The following ARIH1 variants were observed in gnomAD, a reference collection of about 807,000 sequenced individuals.
ARIH1 encodes the protein E3 ubiquitin-protein ligase ARIH1.
A neutral mutation model predicts 85.0 loss-of-function variants in ARIH1; 8 were observed. That is an observed-to-expected ratio of 0.09 (90% CI 0.06 to 0.17). The LOEUF is 0.17. Ranked by LOEUF, ARIH1 falls within the 10% of genes least tolerant of loss-of-function variation. The pLI, the probability that ARIH1 is intolerant of heterozygous loss-of-function variation, is 1.00. For synonymous variants in ARIH1, 238 were observed against 253.6 expected (o/e 0.94, Z 0.59); for missense variants, 311 against 718.1 (o/e 0.43, Z 6.48).
At chr15:72,488,434 C>T (rs192232458) in intron 1 of ARIH1, among the ~76,000 whole-genome samples, 1 of 152,228 alleles carries the variant, frequency 6.6e-6, no homozygotes, top group Non-Finnish European at 1.5e-5. Context: ...AGGCTGGCTG[C>T]GGTGGCTCAT....
intron 1 of ARIH1, among the ~76,000 whole-genome samples, chr15:72,492,974 C>G (rs1167407488): frequency 6.6e-6 from 1 of 152,138 alleles, no homozygotes; most frequent in Non-Finnish European, 1.5e-5. Flanking sequence ...GTCAAATTAA[C>G]AAGGTTGGAA....
At chr15:72,504,952 A>G (rs1223028481) in intron 1 of ARIH1, among the ~76,000 whole-genome samples, 2 of 152,220 alleles carry the variant, frequency 1.3e-5, no homozygotes, top group Non-Finnish European at 2.9e-5. Flanking sequence ...AAGGGAAGAA[A>G]AACTATACCT....
intron 1 of ARIH1, among the ~76,000 whole-genome samples, chr15:72,499,911 T>A (rs996963682): frequency 1.3e-5 from 2 of 152,124 alleles, no homozygotes; most frequent in Non-Finnish European, 2.9e-5. Context: ...CTCACAACAC[T>A]TTTTTCCCCC....
rs747609584 is a variant in ARIH1, at chr15:72,518,078, T to G, written c.387T>G (p.Thr129=). 6.2e-7 allele frequency: 1 copy of G among 1,610,064 alleles called. No individual in the cohort carries two copies. The highest frequency in any genetic ancestry group is 8.5e-7 in the Non-Finnish European group (1 of 1,177,270). Residue 129 remains threonine (T), a synonymous_variant, in exon 2 of 14, where the codon ACT becomes ACG. Coordinates refer to ENST00000379887, the MANE Select transcript of ARIH1 (RefSeq NM_005744.5). The part of the protein sequence containing the change: ...EVNEVIQNPA[T]ITRILLSHFN... ...CCCTCCTTCTTTAGAATCCAGCAAC[T>G]ATCACAAGAATACTCCTTAGCCACT...
rs570359899 is a variant in ARIH1, at chr15:72,558,702, A to G, written c.738-2781A>G. Reference sequence around the variant, plus strand: ...TGCTGCCACCTTCTTGAGAATGCCTATTCTTGAAGATGGATGCTCACTTTC... The same window carrying G: ...TGCTGCCACCTTCTTGAGAATGCCTGTTCTTGAAGATGGATGCTCACTTTC... On this transcript the variant is annotated intron_variant, in intron 5 of 13. Coordinates refer to ENST00000379887, the MANE Select transcript of ARIH1 (RefSeq NM_005744.5). 2.6e-5 allele frequency among the ~76,000 whole-genome samples: 4 copies of G among 152,328 alleles called. No homozygotes were observed. In the East Asian group the frequency reaches 5.8e-4, roughly 22 times the overall value.
intron 2 of ARIH1, among the ~76,000 whole-genome samples, chr15:72,531,125 A>G (rs1180849258): frequency 6.6e-6 from 1 of 152,210 alleles, no homozygotes; most frequent in African/African-American, 2.4e-5. Flanking sequence ...AATTATTGAC[A>G]CCTTACAGTC....
chr15:72,555,223 G>A, intron 3 of ARIH1, 48 bp from the exon 4 acceptor site: 3 of 1,426,582 alleles, frequency 2.1e-6, no homozygotes, highest in Middle Eastern at 1.8e-4. Context: ...TTTATAGTGA[G>A]TTTTCTGATA....
At chr15:72,574,471 C>T (rs1307561147) in intron 11 of ARIH1, among the ~76,000 whole-genome samples, 1 of 152,194 alleles carries the variant, frequency 6.6e-6, no homozygotes, top group African/African-American at 2.4e-5. Context: ...TGAAAAATTA[C>T]TAGAAGGTTG....
At chr15:72,505,105 C>CT in intron 1 of ARIH1, among the ~76,000 whole-genome samples, 2 of 152,298 alleles carry the variant, frequency 1.3e-5, no homozygotes, top group South Asian at 4.1e-4. Context: ...GCTCCTCAAA[C>CT]TTTAACATGC....
chr15:72,590,033 G>A lies in ARIH1; in HGVS notation c.*6741G>A, dbSNP rs1279286414. ...GAAAATAGAAGCTCAAATAAAATGG[G>A]TAGTTTCCTTGAGGTCATCCTGTTA... On this transcript the variant is annotated 3_prime_UTR_variant, in exon 14 of 14. Coordinates refer to ENST00000379887, the MANE Select transcript of ARIH1 (RefSeq NM_005744.5). 2 of 152,160 alleles carry A rather than the reference G, an allele frequency of 1.3e-5. No homozygotes were observed. The highest frequency in any genetic ancestry group is 2.4e-5 in the African/African-American group (1 of 41,430). 9.4% of individuals were successfully genotyped at this position (152,160 alleles called of 1,614,324 possible). A position where few individuals can be genotyped will look rare whatever the true frequency, so the allele number is the denominator to read the frequency against.
chr15:72,504,590 T>A lies in ARIH1; in HGVS notation c.376-13477T>A, dbSNP rs540666656. The stretch of plus-strand genomic sequence containing the variant: ...GGGACCTCTCTCCAGTCAAGCCGCT[T>A]CTCTCGTTCGTCTTTATCTGCACAG... On this transcript the variant is annotated intron_variant, in intron 1 of 13. Coordinates refer to ENST00000379887, the MANE Select transcript of ARIH1 (RefSeq NM_005744.5). Among the ~76,000 whole-genome samples, 440 of 152,192 alleles carry A rather than the reference T, an allele frequency of 2.9e-3. 2 individuals are homozygous for A. The highest frequency in any genetic ancestry group is 5.2e-3 in the Admixed American group (79 of 15,296).
chr15:72,538,859 T>C (rs982844909), intron 2 of ARIH1, among the ~76,000 whole-genome samples: 9 of 152,240 alleles, frequency 5.9e-5, no homozygotes, highest in African/African-American at 2.2e-4. Context: ...TTAAATCCAA[T>C]ATTTTTTAAA....
chr15:72,595,278 C>T lies in ARIH1; in HGVS notation c.*11986C>T, dbSNP rs556554486. On this transcript the variant is annotated 3_prime_UTR_variant, in exon 14 of 14. Coordinates refer to ENST00000379887, the MANE Select transcript of ARIH1 (RefSeq NM_005744.5). ...CACTGCAGCCTTGAGCTCCTGGACT[C>T]AAGCGACCCTCCTGCCTCAGCCTCC... The T allele has an allele frequency of 6.6e-6, 1 of 152,364 alleles. No individual in the cohort carries two copies. The allele number at this position is 152,364 out of a possible 1,614,324, so 9.4% of individuals were successfully genotyped here.
Position 72,602,222 on chromosome 15 carries a change from A to C in ARIH1, c.*18930A>C, listed in dbSNP as rs1337342146. On this transcript the variant is annotated 3_prime_UTR_variant, in exon 14 of 14. Transcript: ENST00000379887. ...AATAATTCAGTTAAAGATTATGTGC[A>C]TTTTTAATTTTGGTAGTTATTGCCA... 6.6e-6 allele frequency: 1 copy of C among 152,240 alleles called. No individual in the cohort carries two copies. Among genetic ancestry groups the C allele is most frequent in the Non-Finnish European group, 1.5e-5 (1 of 68,038 alleles). 9.4% of individuals were successfully genotyped at this position (152,240 alleles called of 1,614,324 possible). A position where few individuals can be genotyped will look rare whatever the true frequency, so the allele number is the denominator to read the frequency against.
In ARIH1 at chr15:72,588,984, CT is replaced by C. The variant is rs1390530380; in HGVS notation, c.*5696del. The C allele has an allele frequency of 2.0e-5, 3 of 152,092 alleles. No homozygotes were observed. The East Asian group carries it at 5.8e-4, about 29-fold the overall frequency. The allele number at this position is 152,092 out of a possible 1,614,324, so 9.4% of individuals were successfully genotyped here. On this transcript the variant is annotated 3_prime_UTR_variant, in exon 14 of 14. Coordinates refer to ENST00000379887, the MANE Select transcript of ARIH1 (RefSeq NM_005744.5). ...TTACAAGTTTCTCATGTCTATCATT[CT>C]TTTGATAATCTTGTATTTTTATTTC... is the stretch of plus-strand genomic sequence containing the variant.
At chr15:72,487,471 A>C (rs984516929) in intron 1 of ARIH1, among the ~76,000 whole-genome samples, 1 of 152,216 alleles carries the variant, frequency 6.6e-6, no homozygotes, top group South Asian at 2.1e-4. Context: ...AAAGCCTCTA[A>C]TGTGGACATT....
intron 1 of ARIH1, among the ~76,000 whole-genome samples, chr15:72,501,389 A>G (rs185805351): frequency 6.6e-6 from 1 of 152,342 alleles, no homozygotes; most frequent in Non-Finnish European, 1.5e-5. Context: ...TACTGTATAT[A>G]CAAATATATA....
intron 2 of ARIH1, among the ~76,000 whole-genome samples, chr15:72,522,245 G>C (rs984685613): frequency 6.6e-6 from 1 of 152,204 alleles, no homozygotes; most frequent in Non-Finnish European, 1.5e-5. Context: ...TGCGCACCAT[G>C]GCTCACACCT....
intron 1 of ARIH1, among the ~76,000 whole-genome samples, chr15:72,490,753 A>G (rs2063855868): frequency 2.0e-5 from 3 of 152,098 alleles, no homozygotes; most frequent in Non-Finnish European, 4.4e-5. Context: ...GTGGGCAGCC[A>G]ATAGCATAGG....
Sources: allele counts gnomAD v4.1 joint callset (sites outside exome capture counted in the v4.1 genomes callset), GRCh38; gene constraint gnomAD v4.1.1; transcripts MANE v1.5; gene names NCBI Gene and HGNC (gene_info 2026-07-23, HGNC 2026-07-21).